HPRT1: variants seen among roughly 807,000 people sequenced by gnomAD.
The protein encoded by HPRT1 is hypoxanthine phosphoribosyltransferase 1.
A neutral mutation model predicts 19.0 loss-of-function variants in HPRT1; 4 were observed. The ratio of observed to expected loss-of-function variants is 0.21; its 90% CI spans 0.10 to 0.48. HPRT1 has a LOEUF of 0.48. Ranked by LOEUF, HPRT1 falls within the 20% of genes least tolerant of loss-of-function variation. The pLI is 0.98. For synonymous variants in HPRT1, 53 were observed against 54.9 expected (o/e 0.97, Z 0.15); for missense variants, 65 against 164.0 (o/e 0.40, Z 3.30).
chrX:134,499,036 A>G (rs1273325072), intron 8 of HPRT1, among the ~76,000 whole-genome samples: 1 of 112,183 alleles, frequency 8.9e-6, no homozygotes, highest in East Asian at 2.8e-4. Context: ...AGTCCCATGG[A>G]TGTGTTTATG....
chrX:134,473,505 G>A, intron 2 of HPRT1, 40 bp downstream of exon 2: 1 of 841,796 alleles, frequency 1.2e-6, no homozygotes, highest in South Asian at 2.0e-5. Flanking sequence ...ACTTTTTCTT[G>A]TGTTAATTTC....
At chrX:134,466,261 T>C (rs2124285308) in intron 1 of HPRT1, among the ~76,000 whole-genome samples, 1 of 108,923 alleles carries the variant, frequency 9.2e-6, no homozygotes, top group African/African-American at 3.3e-5. Context: ...CTACTAAAAA[T>C]ACAAAAATTA....
At chrX:134,473,167 C>A (rs568657869) in intron 1 of HPRT1, among the ~76,000 whole-genome samples, 192 bp from the exon 2 acceptor site, 1 of 112,081 alleles carries the variant, frequency 8.9e-6, no homozygotes, top group African/African-American at 3.2e-5. Flanking sequence ...TGGGATTACA[C>A]GTGTGAACCA....
chrX:134,464,385 C>T (rs1171968727), intron 1 of HPRT1, among the ~76,000 whole-genome samples: 4 of 110,828 alleles, frequency 3.6e-5, no homozygotes, highest in Admixed American at 1.9e-4. Flanking sequence ...AAGGAGATGG[C>T]GGATCATCTG....
intron 5 of HPRT1, among the ~76,000 whole-genome samples, chrX:134,491,516 A>C (rs1022210950): frequency 1.9e-4 from 21 of 111,158 alleles, no homozygotes; most frequent in African/African-American, 6.9e-4. Flanking sequence ...TAAGTTGGAT[A>C]CCATCTGAAT....
chrX:134,470,885 T>C (rs2077608611), intron 1 of HPRT1, among the ~76,000 whole-genome samples: 1 of 105,488 alleles, frequency 9.5e-6, no homozygotes, highest in Admixed American at 1.0e-4. Flanking sequence ...CTGGGCAACA[T>C]AGCGAGACTT....
At chrX:134,483,011 G>C (rs973590584) in intron 3 of HPRT1, among the ~76,000 whole-genome samples, 44 of 108,208 alleles carry the variant, frequency 4.1e-4, no homozygotes, top group African/African-American at 1.3e-3. Context: ...GAGAATGACT[G>C]TTTTCCGATA....
At chrX:134,499,482 CAAAACAA>C (rs1185806242) in intron 8 of HPRT1, among the ~76,000 whole-genome samples, 31 of 94,578 alleles carry the variant, frequency 3.3e-4, no homozygotes, top group East Asian at 2.5e-3. Flanking sequence ...TGTCTCAAAA[CAAAACAA>C]AAAACAAAAA....
chrX:134,463,998 T>C (rs752356000), intron 1 of HPRT1, among the ~76,000 whole-genome samples: 4 of 111,631 alleles, frequency 3.6e-5, no homozygotes, highest in Non-Finnish European at 7.5e-5. Context: ...TTCTGATAAC[T>C]GATAAGTATA....
At chrX:134,478,134 T>C (rs1390993738) in intron 3 of HPRT1, among the ~76,000 whole-genome samples, 2 of 112,285 alleles carry the variant, frequency 1.8e-5, no homozygotes, top group Non-Finnish European at 3.8e-5. Flanking sequence ...GTATGATTTT[T>C]ACATGCTGAT....
chrX:134,468,228 C>G (rs191230879), intron 1 of HPRT1, among the ~76,000 whole-genome samples: 167 of 108,633 alleles, frequency 1.5e-3, no homozygotes, highest in African/African-American at 5.4e-3. Context: ...CTAACTCTCT[C>G]TAGTATGCAT....
chrX:134,489,619 G>A (rs1157486958), intron 4 of HPRT1, among the ~76,000 whole-genome samples: 1 of 111,677 alleles, frequency 9.0e-6, no homozygotes, highest in African/African-American at 3.2e-5. Flanking sequence ...GACTCTTCCA[G>A]CTATAAAATT....
chrX:134,462,525 C>G (rs1262511216), intron 1 of HPRT1, among the ~76,000 whole-genome samples: 2 of 111,202 alleles, frequency 1.8e-5, no homozygotes, highest in African/African-American at 6.5e-5. Context: ...GCCATGTTGT[C>G]CAGGCTGGTC....
intron 1 of HPRT1, among the ~76,000 whole-genome samples, chrX:134,471,146 C>T (rs886848729): frequency 4.6e-5 from 5 of 109,142 alleles, no homozygotes; most frequent in South Asian, 3.8e-4. Flanking sequence ...TATATAAAAA[C>T]GCATGCTGCC....
chrX:134,468,991 C>T (rs756512500), intron 1 of HPRT1, among the ~76,000 whole-genome samples: 1 of 110,667 alleles, frequency 9.0e-6, no homozygotes, highest in South Asian at 3.8e-4. Context: ...CTCCTGACCT[C>T]AAGCAATCCT....
At chrX:134,495,935 A>G (rs1267424272) in intron 6 of HPRT1, among the ~76,000 whole-genome samples, 1 of 112,608 alleles carries the variant, frequency 8.9e-6, no homozygotes, top group Non-Finnish European at 1.9e-5. Flanking sequence ...ATGTATCAGT[A>G]CTTCATCCCT....
Position 134,491,748 on chromosome X carries a change from T to G in HPRT1, c.402+1543T>G, listed in dbSNP as rs567385458. ...GCATTTAATTTTAATTTTTATTTTT[T>G]TTAAGACAGAGTCTCACTCTGTCAC... On this transcript the variant is annotated intron_variant, in intron 5 of 8. Coordinates refer to ENST00000298556, the MANE Select transcript of HPRT1 (RefSeq NM_000194.3). 1.4e-4 allele frequency among the ~76,000 whole-genome samples: 15 copies of G among 107,728 alleles called. No homozygotes were observed. The South Asian group carries it at 6.1e-3, about 43-fold the overall frequency. The allele number at this position is 107,728 out of a possible 115,157, so 93.5% of individuals were successfully genotyped here. A position where few individuals can be genotyped will look rare whatever the true frequency, so the allele number is the denominator to read the frequency against.
In HPRT1 at chrX:134,486,444, GTT is replaced by G. The variant is rs371480320; in HGVS notation, c.319-8_319-7del. 6.5e-4 allele frequency: 459 copies of G among 710,849 alleles called. No homozygotes were observed. Among genetic ancestry groups the G allele is most frequent in the Non-Finnish European group, 7.5e-4 (380 of 503,688 alleles). The allele number at this position is 710,849 out of a possible 1,213,427, so 58.6% of individuals were successfully genotyped here. A position where few individuals can be genotyped will look rare whatever the true frequency, so the allele number is the denominator to read the frequency against. ...GTGTGTGTAGATATATATATATATA[GTT>G]TTTTTTTTTTTTAACTAGAATGACC... is the stretch of plus-strand genomic sequence containing the variant. On this transcript the variant is annotated intron_variant, in intron 3 of 8. Coordinates refer to ENST00000298556, the MANE Select transcript of HPRT1 (RefSeq NM_000194.3).
intron 5 of HPRT1, among the ~76,000 whole-genome samples, chrX:134,491,947 G>A (rs867626224): frequency 2.0e-4 from 18 of 91,950 alleles, no homozygotes; most frequent in African/African-American, 5.7e-4. Context: ...GTGTGTGTGT[G>A]TATATATATA....
Sources: gnomAD v4.1 joint callset for allele counts (sites outside exome capture counted in the v4.1 genomes callset) on GRCh38, gnomAD v4.1.1 for gene constraint, MANE v1.5 for transcripts, NCBI Gene and HGNC (gene_info 2026-07-23, HGNC 2026-07-21) for gene names.